RAB31: variants seen among roughly 807,000 people sequenced by gnomAD.
RAB31 encodes ras-related protein Rab-31.
A neutral mutation model predicts 25.6 loss-of-function variants in RAB31; 21 were observed. That is an observed-to-expected ratio of 0.82 (90% CI 0.58 to 1.18). The LOEUF is 1.18. RAB31 is among the 50% of genes most tolerant of loss of function. The probability of loss-of-function intolerance (pLI) is 0.00; values close to 1 mark genes in which losing one functional copy is unlikely to be tolerated. For missense variants in RAB31, 196 were observed against 250.1 expected, an observed-to-expected ratio of 0.78 and a Z score of 1.46; for synonymous variants, 87 against 84.0, an observed-to-expected ratio of 1.04 and a Z score of -0.20.
intron 1 of RAB31, among the ~76,000 whole-genome samples, chr18:9,723,382 A>C (rs955325654): frequency 5.3e-5 from 8 of 152,128 alleles, no homozygotes; most frequent in Admixed American, 2.0e-4. Context: ...TGAATAATGA[A>C]CTCAGTCATT....
rs182119537 is a variant in RAB31 at position 9,836,937 on chromosome 18, A to C, written c.381-8645A>C. On this transcript the variant is annotated intron_variant, in intron 5 of 6. Transcript: ENST00000578921. ...AGTGAAACACATGAAGAGAGTCAGC[A>C]TAAGGAATGGGGTGAAATAGATGGG... 1.5e-4 allele frequency among the ~76,000 whole-genome samples: 22 copies of C among 143,366 alleles called. No homozygotes were observed. In the Admixed American group the frequency reaches 1.5e-3, roughly 10 times the overall value. The allele number at this position is 143,366 out of a possible 152,430, so 94.1% of individuals were successfully genotyped here.
intron 1 of RAB31, among the ~76,000 whole-genome samples, chr18:9,764,965 T>C (rs1269649884): frequency 2.0e-5 from 3 of 152,056 alleles, no homozygotes; most frequent in Non-Finnish European, 2.9e-5. Flanking sequence ...TTCTTTCTTT[T>C]TTTTTTGGAG....
rs546661481 is a variant in RAB31 at position 9,745,556 on chromosome 18, C to T, written c.40-29722C>T. On this transcript the variant is annotated intron_variant, in intron 1 of 6. Coordinates refer to ENST00000578921, the MANE Select transcript of RAB31 (RefSeq NM_006868.4). ...CTGAATGAAATACTGGCAAACTGAA[C>T]CCAGAAGTATATTAAAAGGATTATA... Among the ~76,000 whole-genome samples the T allele has an allele frequency of 1.1e-3, 164 of 152,192 alleles. No homozygotes were observed. The South Asian group carries it at 0.021, about 19-fold the overall frequency.
intron 5 of RAB31, among the ~76,000 whole-genome samples, chr18:9,839,458 G>T (rs2068721481): frequency 6.6e-6 from 1 of 152,206 alleles, no homozygotes; most frequent in African/African-American, 2.4e-5. Flanking sequence ...CACATGGATT[G>T]CAGGAGGCTA....
At chr18:9,747,171 A>T (rs1330013554) in intron 1 of RAB31, among the ~76,000 whole-genome samples, 1 of 152,256 alleles carries the variant, frequency 6.6e-6, no homozygotes, top group Admixed American at 6.5e-5. Context: ...GCTCAACATC[A>T]TTAGTCATTA....
intron 1 of RAB31, chr18:9,774,805 G>C: frequency 3.9e-6 from 2 of 512,908 alleles, no homozygotes; most frequent in South Asian, 2.9e-5. Flanking sequence ...AGATTCTACA[G>C]AGAAAATGCT....
chr18:9,822,861 T>C (rs1161800679), intron 5 of RAB31, among the ~76,000 whole-genome samples: 1 of 152,210 alleles, frequency 6.6e-6, no homozygotes, highest in Non-Finnish European at 1.5e-5. Flanking sequence ...GGCAGTTTCT[T>C]ATAAAACTAA....
chr18:9,792,135 G>A lies in RAB31; in HGVS notation c.120-19G>A, dbSNP rs199961096. ...AGAAACAATGCAGTAATGTGGAGAT[G>A]CTGACTCTCTTTTTTCAGGGCATCT... On this transcript the variant is annotated intron_variant, in intron 2 of 6. Coordinates refer to ENST00000578921, the MANE Select transcript of RAB31 (RefSeq NM_006868.4). 93 of 1,600,802 alleles carry A rather than the reference G, an allele frequency of 5.8e-5. No individual in the cohort carries two copies. The Admixed American group carries it at 1.5e-3, about 25-fold the overall frequency.
chr18:9,773,891 C>A lies in RAB31; in HGVS notation c.40-1387C>A, dbSNP rs184324771. 2.4e-3 allele frequency among the ~76,000 whole-genome samples: 364 copies of A among 152,170 alleles called. 6 individuals carry two copies. Among genetic ancestry groups the A allele is most frequent in the East Asian group, 3.5e-3 (18 of 5,170 alleles). ...GCCCAGGCTGGCCTTGAACTCCTGG[C>A]CTCAAGTGTTCATCCTGCTTTGGCC... On this transcript the variant is annotated intron_variant, in intron 1 of 6. Transcript: ENST00000578921.
intron 1 of RAB31, among the ~76,000 whole-genome samples, chr18:9,715,979 T>C (rs2068042415): frequency 6.6e-6 from 1 of 152,340 alleles, no homozygotes; most frequent in South Asian, 2.1e-4. Flanking sequence ...AATACTATGC[T>C]CCCATCCCCT....
intron 5 of RAB31, among the ~76,000 whole-genome samples, chr18:9,833,136 C>T (rs996480063): frequency 6.6e-6 from 1 of 152,224 alleles, no homozygotes; most frequent in Non-Finnish European, 1.5e-5. Flanking sequence ...AAAGACACTT[C>T]CAATTTTCAG....
intron 3 of RAB31, among the ~76,000 whole-genome samples, chr18:9,802,671 G>C (rs989324485): frequency 2.0e-5 from 3 of 152,198 alleles, no homozygotes; most frequent in Non-Finnish European, 1.5e-5. Flanking sequence ...GATTAATTTT[G>C]CAAGTGACTG....
chr18:9,737,975 C>T (rs1332720988), intron 1 of RAB31, among the ~76,000 whole-genome samples: 2 of 152,208 alleles, frequency 1.3e-5, no homozygotes, highest in African/African-American at 4.8e-5. Flanking sequence ...GTGGTCCTGG[C>T]AGGCAGCCAG....
chr18:9,832,999 C>T (rs1006351995), intron 5 of RAB31, among the ~76,000 whole-genome samples: 4 of 152,050 alleles, frequency 2.6e-5, no homozygotes, highest in African/African-American at 9.7e-5. Flanking sequence ...CGGGAGTCCA[C>T]GGAGGAGAAC....
chr18:9,800,785 C>CT (rs2068510184), intron 3 of RAB31, among the ~76,000 whole-genome samples: 1 of 152,106 alleles, frequency 6.6e-6, no homozygotes, highest in Non-Finnish European at 1.5e-5. Context: ...GACCAGCCCC[C>CT]CTTTTTTTTT....
chr18:9,708,696 G>T lies in RAB31; in HGVS notation c.39+252G>T, dbSNP rs117869354. Among the ~76,000 whole-genome samples, 5,255 of 151,628 alleles carry T rather than the reference G, an allele frequency of 0.035. 237 individuals carry two copies. Among genetic ancestry groups the T allele is most frequent in the African/African-American group, 0.11 (4,377 of 41,298 alleles). The stretch of plus-strand genomic sequence containing the variant: ...TTCTCCGCCTCCCCGCCGTCCGTGC[G>T]CCCCTCTGGTCCGCCCCCGCTCTCA... On this transcript the variant is annotated intron_variant, in intron 1 of 6. Transcript: ENST00000578921. The surrounding 1 kb of genome is among the most constrained non-coding windows in gnomAD (Gnocchi z 6.4).
chr18:9,710,475 T>G (rs1293136774), intron 1 of RAB31, among the ~76,000 whole-genome samples: 1 of 152,198 alleles, frequency 6.6e-6, no homozygotes, highest in Non-Finnish European at 1.5e-5. Context: ...TTGCCAGTTC[T>G]GTGTGTAGGA....
At chr18:9,770,132 A>T (rs1296623283) in intron 1 of RAB31, among the ~76,000 whole-genome samples, 1 of 152,088 alleles carries the variant, frequency 6.6e-6, no homozygotes, top group African/African-American at 2.4e-5. Context: ...TTCATCAGGG[A>T]TATGGGCCTG....
chr18:9,747,949 C>T (rs1021246268), intron 1 of RAB31, among the ~76,000 whole-genome samples: 1 of 152,166 alleles, frequency 6.6e-6, no homozygotes, highest in South Asian at 2.1e-4. Context: ...ATTAAATATT[C>T]TCCCCCTGAA....
Sources: allele counts gnomAD v4.1 joint callset (sites outside exome capture counted in the v4.1 genomes callset), GRCh38; gene constraint gnomAD v4.1.1; non-coding constraint Gnocchi (gnomAD v3.1); transcripts MANE v1.5; gene names NCBI Gene and HGNC (gene_info 2026-07-23, HGNC 2026-07-21).